Variants in PHF21B observed in about 807,000 individuals in gnomAD.
PHF21B encodes the protein PHD finger protein 21B, also known as PHD finger protein 4.
Under a neutral mutation model 62.2 loss-of-function variants are expected in PHF21B, and 22 were observed. The ratio of observed to expected loss-of-function variants is 0.35; its 90% CI spans 0.25 to 0.51. The LOEUF (loss-of-function observed/expected upper bound fraction) is 0.51, where lower values mean the gene tolerates loss of function less well. Ranked by LOEUF, PHF21B falls within the 20% of genes least tolerant of loss-of-function variation. The pLI is 0.97. For missense variants in PHF21B, 701 were observed against 707.9 expected (o/e 0.99, Z 0.11); for synonymous variants, 341 against 314.7 (o/e 1.08, Z -0.88).
intron 2 of PHF21B, among the ~76,000 whole-genome samples, chr22:44,946,057 C>G (rs2072062398): frequency 6.6e-6 from 1 of 151,234 alleles, no homozygotes; most frequent in East Asian, 1.9e-4. Context: ...CAGGTGGACA[C>G]CGCCCTGGCC....
At chr22:44,892,280 A>G (rs2070979815) in intron 7 of PHF21B, among the ~76,000 whole-genome samples, 1 of 152,206 alleles carries the variant, frequency 6.6e-6, no homozygotes, top group Non-Finnish European at 1.5e-5. Flanking sequence ...AGTGAATGGT[A>G]TGAAACGGCC....
chr22:44,932,930 G>A (rs557836939), intron 2 of PHF21B, among the ~76,000 whole-genome samples: 9 of 152,286 alleles, frequency 5.9e-5, no homozygotes, highest in African/African-American at 1.7e-4. Flanking sequence ...AGTAACCACC[G>A]TGCAGACCAA....
chr22:44,906,321 A>AT (rs970096596), intron 5 of PHF21B, among the ~76,000 whole-genome samples: 3 of 152,162 alleles, frequency 2.0e-5, no homozygotes, highest in African/African-American at 7.2e-5. Flanking sequence ...TGGAAAGATC[A>AT]TTTGCAGGGC....
At chr22:44,955,859 G>A (rs372683675) in intron 2 of PHF21B, among the ~76,000 whole-genome samples, 5 of 152,218 alleles carry the variant, frequency 3.3e-5, no homozygotes, top group African/African-American at 1.2e-4. Flanking sequence ...CCTGACTGAT[G>A]TGGGTGCTTA....
chr22:44,942,236 G>A (rs2071972405), intron 2 of PHF21B, among the ~76,000 whole-genome samples: 1 of 152,162 alleles, frequency 6.6e-6, no homozygotes, highest in African/African-American at 2.4e-5. Context: ...TGGTGTGGGG[G>A]CCTGGGACAC....
chr22:44,910,472 A>T (rs537030945), intron 5 of PHF21B, among the ~76,000 whole-genome samples: 1 of 152,230 alleles, frequency 6.6e-6, no homozygotes, highest in South Asian at 2.1e-4. Flanking sequence ...CCCACATATT[A>T]TGGGAGGGAC....
chr22:44,943,870 C>T (rs1239437472), intron 2 of PHF21B, among the ~76,000 whole-genome samples: 2 of 152,188 alleles, frequency 1.3e-5, no homozygotes, highest in Non-Finnish European at 1.5e-5. Flanking sequence ...ATTCCAGGCC[C>T]GGCTTCCGAG....
In PHF21B at chr22:44,965,417, G is replaced by T. The variant is rs575004204; in HGVS notation, c.120+43128C>A. 3.9e-5 allele frequency among the ~76,000 whole-genome samples: 6 copies of T among 152,120 alleles called. No individual in the cohort carries two copies. In the South Asian group the frequency reaches 8.3e-4, roughly 21 times the overall value. On this transcript the variant is annotated intron_variant, in intron 2 of 12. Transcript: ENST00000313237. Reference sequence around the variant, plus strand: ...GTGGAGCTCACCATCTGTCCAGCCAGAACTCAGTCACCCTGCCCCACCCTC... The same window carrying T: ...GTGGAGCTCACCATCTGTCCAGCCATAACTCAGTCACCCTGCCCCACCCTC...
At chr22:45,001,338 G>T (rs1180639747) in intron 2 of PHF21B, 1 of 152,452 alleles carries the variant, frequency 6.6e-6, no homozygotes, top group Non-Finnish European at 1.5e-5. Context: ...GAGGTGCGTT[G>T]AAGAGAGTGC....
At chr22:44,898,259 T>C (rs958508541) in intron 5 of PHF21B, among the ~76,000 whole-genome samples, 9 of 152,182 alleles carry the variant, frequency 5.9e-5, no homozygotes, top group South Asian at 2.1e-4. Context: ...CCACCCTCAA[T>C]TGGGATTTGT....
chr22:44,909,038 C>T (rs5766180), intron 5 of PHF21B, among the ~76,000 whole-genome samples: 43,681 of 151,832 alleles, frequency 0.29, 6,643 homozygotes, highest in East Asian at 0.63. Flanking sequence ...CCTCAGATGA[C>T]CCGCCCACCT....
intron 2 of PHF21B, among the ~76,000 whole-genome samples, chr22:44,980,068 CAAAAAAAAAAAAAA>C (rs71190605): frequency 4.7e-4 from 27 of 57,222 alleles, no homozygotes; most frequent in African/African-American, 1.7e-3. Context: ...GACTTCGTCT[CAAAAAAAAAAAAAA>C]AAAAAAAAAA....
intron 2 of PHF21B, among the ~76,000 whole-genome samples, chr22:44,927,991 A>C (rs1035339242): frequency 6.6e-6 from 1 of 152,220 alleles, no homozygotes; most frequent in Non-Finnish European, 1.5e-5. Flanking sequence ...ATCTCTAGGA[A>C]GCTCAGACAC....
intron 2 of PHF21B, among the ~76,000 whole-genome samples, chr22:44,954,464 A>C (rs1207098973): frequency 6.6e-6 from 1 of 152,196 alleles, no homozygotes; most frequent in Non-Finnish European, 1.5e-5. Context: ...GAATGAAGAA[A>C]CAGCCGGCTC....
chr22:44,948,115 G>C (rs1010755530), intron 2 of PHF21B, among the ~76,000 whole-genome samples: 3 of 149,762 alleles, frequency 2.0e-5, no homozygotes, highest in Non-Finnish European at 4.5e-5. Context: ...GTGGAAGATG[G>C]TTTTTCCACG....
intron 5 of PHF21B, chr22:44,902,420 G>T: frequency 4.3e-6 from 1 of 232,674 alleles, no homozygotes; most frequent in South Asian, 6.7e-5. Flanking sequence ...CTCACAAACT[G>T]GTGTTCTAAA....
intron 2 of PHF21B, among the ~76,000 whole-genome samples, chr22:44,992,124 T>A (rs1330810331): frequency 6.6e-6 from 1 of 152,238 alleles, no homozygotes; most frequent in Non-Finnish European, 1.5e-5. Flanking sequence ...CATTCTTAGA[T>A]GTCCTCTAAC....
intron 9 of PHF21B, among the ~76,000 whole-genome samples, chr22:44,889,375 G>T (rs983895243): frequency 6.6e-6 from 1 of 152,186 alleles, no homozygotes; most frequent in African/African-American, 2.4e-5. Context: ...CTTTTCGGAC[G>T]GGTAACAGAA....
intron 2 of PHF21B, among the ~76,000 whole-genome samples, chr22:44,941,295 C>T (rs150967476): frequency 1.3e-5 from 2 of 152,352 alleles, no homozygotes; most frequent in African/African-American, 2.4e-5. Flanking sequence ...AGCTACACCG[C>T]GCCATGCCGC....
Sources: gnomAD v4.1 joint callset for allele counts (sites outside exome capture counted in the v4.1 genomes callset) on GRCh38, gnomAD v4.1.1 for gene constraint, MANE v1.5 for transcripts, NCBI Gene and HGNC (gene_info 2026-07-23, HGNC 2026-07-21) for gene names.